SNPH: variants seen among roughly 807,000 people sequenced by gnomAD.
The protein encoded by SNPH is syntaphilin.
A neutral mutation model predicts 36.8 loss-of-function variants in SNPH; 10 were observed. The ratio of observed to expected loss-of-function variants is 0.27; its 90% confidence interval spans 0.17 to 0.46. The LOEUF is 0.46. Ranked by LOEUF, SNPH falls within the 20% of genes least tolerant of loss-of-function variation. The pLI is 1.00. For missense variants in SNPH, 622 were observed against 744.0 expected, an observed-to-expected ratio of 0.84 and a Z score of 1.91; for synonymous variants, 281 against 312.2, an observed-to-expected ratio of 0.90 and a Z score of 1.05.
In SNPH at chr20:1,293,780, C is replaced by T. The variant is rs188664433; in HGVS notation, c.-492-1171C>T. Among the ~76,000 whole-genome samples the T allele has an allele frequency of 3.9e-5, 6 of 152,286 alleles. No individual in the cohort carries two copies. In the East Asian group the frequency reaches 1.2e-3, roughly 29 times the overall value. On this transcript the variant is annotated intron_variant, in intron 2 of 6. Transcript: ENST00000381867. ...GTACAAGTGCCACCCCCTTCCCTCC[C>T]CCAGGCCAGGGAGGAAGGAAGAGGG...
Position 1,297,267 on chromosome 20 carries a change from C to T in SNPH, c.290+15C>T, listed in dbSNP as rs2088450297. ...CCCACGCCAAGGTAATTGGCCCCTC[C>T]TCTCTGGGCCTGGCCCTGCTGGCTG... On this transcript the variant is annotated intron_variant, in intron 5 of 6. Transcript: ENST00000381867. 3 of 1,608,780 alleles carry T rather than the reference C, an allele frequency of 1.9e-6. No individual in the cohort carries two copies. Among genetic ancestry groups the T allele is most frequent in the Non-Finnish European group, 2.5e-6 (3 of 1,176,884 alleles).
chr20:1,280,498 T>C (rs774853046), intron 2 of SNPH, among the ~76,000 whole-genome samples: 3 of 152,086 alleles, frequency 2.0e-5, no homozygotes, highest in Non-Finnish European at 4.4e-5. Context: ...GTGTGGGAAA[T>C]GAGGCTGACA....
In SNPH at chr20:1,308,380, G is replaced by A. The variant is rs1568555172; in HGVS notation, c.*2326G>A. The A allele has an allele frequency of 1.3e-5, 2 of 152,762 alleles. 1 individual carries two copies. The highest frequency in any genetic ancestry group is 1.3e-4 in the Admixed American group (2 of 15,286). 9.5% of individuals were successfully genotyped at this position (152,762 alleles called of 1,614,324 possible). A position where few individuals can be genotyped will look rare whatever the true frequency, so the allele number is the denominator to read the frequency against. ...CGGGGGCTCTCCTGGGGCCTTCGATGGGCTTTTCTTCTTGTCAGTGGAGGG... is the reference window on the plus strand; with the variant it reads ...CGGGGGCTCTCCTGGGGCCTTCGATAGGCTTTTCTTCTTGTCAGTGGAGGG... On this transcript the variant is annotated 3_prime_UTR_variant, in exon 7 of 7. Transcript: ENST00000381867.
In SNPH at chr20:1,285,347, T is replaced by C. The variant is rs1435515371; in HGVS notation, c.-492-9604T>C. ...CCTTTTCTTTTTTTGCAAGTAGACT[T>C]AAGAAAGCATAAAATGAATCTGTAG... On this transcript the variant is annotated intron_variant, in intron 2 of 6. Transcript: ENST00000381867. The surrounding 1 kb of genome is among the most constrained non-coding windows in gnomAD (Gnocchi z 4.9). 6.6e-6 allele frequency among the ~76,000 whole-genome samples: 1 copy of C among 152,130 alleles called. No homozygotes were observed. Among genetic ancestry groups the C allele is most frequent in the Non-Finnish European group, 1.5e-5 (1 of 68,024 alleles).
At chr20:1,289,262 G>A (rs540954787) in intron 2 of SNPH, among the ~76,000 whole-genome samples, 2 of 152,156 alleles carry the variant, frequency 1.3e-5, no homozygotes, top group African/African-American at 2.4e-5. Context: ...TCCCTCTATG[G>A]GGAATTTGTG....
At chr20:1,270,232 C>A (rs1568536520) in intron 2 of SNPH, among the ~76,000 whole-genome samples, 1 of 152,212 alleles carries the variant, frequency 6.6e-6, no homozygotes, top group Non-Finnish European at 1.5e-5. Context: ...AAGTGCATAG[C>A]ATGCAGGAAA....
intron 2 of SNPH, among the ~76,000 whole-genome samples, chr20:1,270,546 T>G (rs1159998845): frequency 6.6e-6 from 1 of 152,186 alleles, no homozygotes; most frequent in East Asian, 1.9e-4. Flanking sequence ...ACTTGTTGGC[T>G]CCTGTCCTCA....
rs1432025774 is a variant in SNPH at position 1,305,590 on chromosome 20, G to C, written c.1153G>C (p.Asp385His). 1.2e-6 allele frequency: 2 copies of C among 1,613,476 alleles called. No individual in the cohort carries two copies. The highest frequency in any genetic ancestry group is 1.3e-5 in the African/African-American group (1 of 74,960). ...GACCCAGGCCCAGGTCTGTGGGACA[G>C]ACCCTGAGTCAGGGGACAGGTGCCC... is the stretch of plus-strand genomic sequence containing the variant. ...KVTQAQVCGT[D>H]PESGDRCPEL... Residue 385 changes from aspartate to histidine, a missense_variant, in exon 7 of 7, where the codon GAC becomes CAC. Physicochemically the swap from Asp to His is moderately conservative, Grantham distance 81. Coordinates refer to ENST00000381867, the MANE Select transcript of SNPH (RefSeq NM_001318234.2).
chr20:1,277,891 CTGTG>C (rs202074204), intron 2 of SNPH, among the ~76,000 whole-genome samples: 3,657 of 127,592 alleles, frequency 0.029, 75 homozygotes, highest in South Asian at 0.12. Flanking sequence ...GCCGATGTGT[CTGTG>C]TATGTATCTG....
chr20:1,292,839 C>T (rs2088379712), intron 2 of SNPH, among the ~76,000 whole-genome samples: 2 of 152,220 alleles, frequency 1.3e-5, no homozygotes, highest in Non-Finnish European at 2.9e-5. Context: ...ACCTGGTGAA[C>T]TCTTATTCAT....
At position 1,266,871 on chromosome 20, in the gene SNPH, G is replaced by C; in HGVS notation, c.-493+111G>C. Reference sequence around the variant, plus strand: ...AATCCCTTGGAGGGCACCAGCCTAAGAGGGGTTAATCGTGACTCATTCTTA... The same window carrying C: ...AATCCCTTGGAGGGCACCAGCCTAACAGGGGTTAATCGTGACTCATTCTTA... On this transcript the variant is annotated intron_variant, in intron 2 of 6. Transcript: ENST00000381867. This position sits in a 1 kb window ranked among gnomAD's most constrained non-coding sequence, Gnocchi z 6.0. 7.9e-7 allele frequency: 1 copy of C among 1,264,050 alleles called. No individual in the cohort carries two copies. Among genetic ancestry groups the C allele is most frequent in the Non-Finnish European group, 1.0e-6 (1 of 1,001,882 alleles). 78.3% of individuals were successfully genotyped at this position (1,264,050 alleles called of 1,614,324 possible).
At position 1,308,710 on chromosome 20, in the gene SNPH, T is replaced by G. The variant is rs1434282674; in HGVS notation, c.*2656T>G. ...CCTCCTCCCGTTGGGCTGTGACTTT[T>G]CCTCCTGCCCTCAGCCTCTGAAACA... On this transcript the variant is annotated 3_prime_UTR_variant, in exon 7 of 7. Coordinates refer to ENST00000381867, the MANE Select transcript of SNPH (RefSeq NM_001318234.2). The G allele has an allele frequency of 6.5e-6, 1 of 152,710 alleles. No homozygotes were observed. The highest frequency in any genetic ancestry group is 1.9e-4 in the East Asian group (1 of 5,202). The allele number at this position is 152,710 out of a possible 1,614,324, so 9.5% of individuals were successfully genotyped here. A position where few individuals can be genotyped will look rare whatever the true frequency, so the allele number is the denominator to read the frequency against.
At chr20:1,303,913 C>T (rs894738359) in intron 6 of SNPH, among the ~76,000 whole-genome samples, 2 of 152,104 alleles carry the variant, frequency 1.3e-5, no homozygotes, top group Non-Finnish European at 2.9e-5. Context: ...CAGGGTTTGA[C>T]GTCTCCTGGA....
rs535752763 is a variant in SNPH, at chr20:1,286,401, G to A, written c.-492-8550G>A. ...ATCAGCTGCTGAGGACAGCAGGGCA[G>A]CTGCAGCTGGAGAGGGAGAAGGGAG... On this transcript the variant is annotated intron_variant, in intron 2 of 6. Transcript: ENST00000381867. Among the ~76,000 whole-genome samples the A allele has an allele frequency of 1.2e-4, 19 of 152,314 alleles. No individual in the cohort carries two copies. In the South Asian group the frequency reaches 3.7e-3, roughly 30 times the overall value.
At chr20:1,277,706 G>A (rs1206250854) in intron 2 of SNPH, among the ~76,000 whole-genome samples, 1 of 147,836 alleles carries the variant, frequency 6.8e-6, no homozygotes, top group African/African-American at 2.5e-5. Flanking sequence ...GTGTCTGTCT[G>A]TGCCTGTGTG....
At position 1,304,966 on chromosome 20, in the gene SNPH, C is replaced by G. The variant is rs769627020; in HGVS notation, c.529C>G (p.Leu177Val). 6.2e-7 allele frequency: 1 copy of G among 1,613,958 alleles called. No individual in the cohort carries two copies. Among genetic ancestry groups the G allele is most frequent in the South Asian group, 1.1e-5 (1 of 91,090 alleles). The change falls in exon 7 of 7, where the codon CTG becomes GTG. Residue 177 changes from leucine (L) to valine (V), a missense_variant. Leu to Val is a conservative substitution (Grantham distance 32). Around this residue, in one of 3 missense-constraint regions of SNPH, gnomAD observed 56 missense variants for 106.6 expected, o/e 0.53. Coordinates refer to ENST00000381867, the MANE Select transcript of SNPH (RefSeq NM_001318234.2). The surrounding 1 kb of genome is among the most constrained non-coding windows in gnomAD (Gnocchi z 4.3). ...GGAGTGCCACCGCGTGGAGGCCCAG[C>G]TGGCCCTGAAGGAGGCCCGAAAGGA... ...EEECHRVEAQ[L>V]ALKEARKEIK...
In SNPH at chr20:1,266,605, C is replaced by G; in HGVS notation, c.-599-49C>G. ...GGGGGCTCAGCTGCCTGGGTGTTCCCCGCCCGCGCTCACCCGCCCCGGTCT... is the reference window on the plus strand; with the variant it reads ...GGGGGCTCAGCTGCCTGGGTGTTCCGCGCCCGCGCTCACCCGCCCCGGTCT... On this transcript the variant is annotated intron_variant, in intron 1 of 6. Transcript: ENST00000381867. This position sits in a 1 kb window ranked among gnomAD's most constrained non-coding sequence, Gnocchi z 6.0. The G allele has an allele frequency of 2.8e-6, 4 of 1,427,596 alleles. No individual in the cohort carries two copies. Among genetic ancestry groups the G allele is most frequent in the Non-Finnish European group, 3.7e-6 (4 of 1,095,712 alleles). The allele number at this position is 1,427,596 out of a possible 1,614,324, so 88.4% of individuals were successfully genotyped here. A position where few individuals can be genotyped will look rare whatever the true frequency, so the allele number is the denominator to read the frequency against.
intron 2 of SNPH, among the ~76,000 whole-genome samples, chr20:1,272,884 G>A (rs1182086679): frequency 6.6e-6 from 1 of 152,232 alleles, no homozygotes; most frequent in African/African-American, 2.4e-5. Context: ...TGGGGACTGA[G>A]GCCTCCAGAT....
intron 6 of SNPH, among the ~76,000 whole-genome samples, chr20:1,301,393 C>G (rs1239839301): frequency 4.6e-5 from 7 of 152,194 alleles, no homozygotes; most frequent in Non-Finnish European, 4.4e-5. Context: ...CTTAACTATC[C>G]TTCTCGGGAC....
Sources: allele counts gnomAD v4.1 joint callset (sites outside exome capture counted in the v4.1 genomes callset), GRCh38; gene constraint gnomAD v4.1.1; regional missense constraint gnomAD v4.1.1; non-coding constraint Gnocchi (gnomAD v3.1); transcripts MANE v1.5; gene names NCBI Gene and HGNC (gene_info 2026-07-23, HGNC 2026-07-21).